Variants in INPP4B observed in about 807,000 individuals in gnomAD.
INPP4B encodes the protein inositol polyphosphate 4-phosphatase type II.
In INPP4B, 55 loss-of-function variants were observed where a neutral mutation model predicts 122.5. The ratio of observed to expected loss-of-function variants is 0.45; its 90% confidence interval spans 0.36 to 0.56. The LOEUF is 0.56. INPP4B is among the 20% of genes least tolerant of loss of function. The pLI is 0.00. For missense variants in INPP4B, 1,000 were observed against 1,097.7 expected (o/e 0.91, Z 1.26); for synonymous variants, 403 against 388.7 (o/e 1.04, Z -0.43).
At chr4:142,147,772 C>T (rs1043798656) in intron 17 of INPP4B, among the ~76,000 whole-genome samples, 141 of 152,266 alleles carry the variant, frequency 9.3e-4, no homozygotes, top group African/African-American at 3.4e-3. Flanking sequence ...CAGATCTTTC[C>T]ACTAAGAATT....
intron 3 of INPP4B, among the ~76,000 whole-genome samples, chr4:142,439,526 A>G (rs979909882): frequency 6.6e-6 from 1 of 152,164 alleles, no homozygotes; most frequent in African/African-American, 2.4e-5. Context: ...CATTTTATTA[A>G]TTTATGTACC....
At chr4:142,068,526 C>T (rs1249713928) in intron 25 of INPP4B, among the ~76,000 whole-genome samples, 1 of 152,148 alleles carries the variant, frequency 6.6e-6, no homozygotes, top group East Asian at 1.9e-4. Flanking sequence ...AATTAAAAGA[C>T]ACAGACTGGC....
At chr4:142,608,153 G>C (rs888399997) in intron 2 of INPP4B, among the ~76,000 whole-genome samples, 1 of 152,158 alleles carries the variant, frequency 6.6e-6, no homozygotes, top group Admixed American at 6.6e-5. Context: ...ATTATAAACA[G>C]TAGAGTGACT....
intron 16 of INPP4B, among the ~76,000 whole-genome samples, chr4:142,167,313 G>A (rs1479900109): frequency 3.3e-5 from 5 of 151,872 alleles, no homozygotes; most frequent in Middle Eastern, 3.4e-3. Context: ...AACACTACAT[G>A]TTCTCACTTA....
Position 142,839,861 on chromosome 4 carries a change from G to T in INPP4B, c.-254+6348C>A, listed in dbSNP as rs1410674869. Among the ~76,000 whole-genome samples the T allele has an allele frequency of 2.6e-5, 4 of 152,266 alleles. No individual in the cohort carries two copies. The South Asian group carries it at 8.3e-4, about 32-fold the overall frequency. On this transcript the variant is annotated intron_variant, in intron 1 of 25. Transcript: ENST00000262992. ...GCATTTCTTAATTATGCCAATTTGG[G>T]TTCATTAACTTAATTTCTTTGTTCT...
At chr4:142,400,565 T>C (rs1159712487) in intron 7 of INPP4B, among the ~76,000 whole-genome samples, 1 of 152,326 alleles carries the variant, frequency 6.6e-6, no homozygotes, top group East Asian at 1.9e-4. Context: ...CCATAGGAAC[T>C]ATTAGCATAT....
At chr4:142,067,320 G>A (rs564875776) in intron 25 of INPP4B, among the ~76,000 whole-genome samples, 126 of 152,266 alleles carry the variant, frequency 8.3e-4, no homozygotes, top group Admixed American at 2.0e-3. Flanking sequence ...AACCCCATCA[G>A]TACATCACCA....
chr4:142,331,720 G>T (rs962190649), intron 7 of INPP4B, among the ~76,000 whole-genome samples: 4 of 152,154 alleles, frequency 2.6e-5, no homozygotes, highest in African/African-American at 9.7e-5. Context: ...CCAAGAATCT[G>T]GTTTACCAGA....
chr4:142,727,287 T>C (rs1448682550), intron 1 of INPP4B, among the ~76,000 whole-genome samples: 1 of 152,174 alleles, frequency 6.6e-6, no homozygotes, highest in African/African-American at 2.4e-5. Flanking sequence ...GAAATTGTGA[T>C]ATACTTCAAG....
chr4:142,202,131 T>A (rs1028003906), intron 14 of INPP4B, among the ~76,000 whole-genome samples: 1 of 152,006 alleles, frequency 6.6e-6, no homozygotes, highest in Non-Finnish European at 1.5e-5. Flanking sequence ...TAAAAAGTAA[T>A]AGATAAGTAG....
intron 2 of INPP4B, among the ~76,000 whole-genome samples, chr4:142,488,365 T>C (rs1821447780): frequency 6.6e-6 from 1 of 152,096 alleles, no homozygotes; most frequent in African/African-American, 2.4e-5. Context: ...TCTTTGAATA[T>C]CTTTGATTAC....
At chr4:142,198,307 C>T (rs987530186) in intron 14 of INPP4B, among the ~76,000 whole-genome samples, 1 of 151,844 alleles carries the variant, frequency 6.6e-6, no homozygotes, top group Non-Finnish European at 1.5e-5. Flanking sequence ...TGATGTAATT[C>T]TTATTTATCA....
Position 142,746,197 on chromosome 4 carries a change from A to C in INPP4B, c.-253-20296T>G, listed in dbSNP as rs375936133. Among the ~76,000 whole-genome samples, 20 of 151,862 alleles carry C rather than the reference A, an allele frequency of 1.3e-4. No homozygotes were observed. The East Asian group carries it at 1.6e-3, about 12-fold the overall frequency. ...CATGATAGGACATACACTAACCAGA[A>C]AATAAACCTCAAACATTCCTTTACA... On this transcript the variant is annotated intron_variant, in intron 1 of 25. Coordinates refer to ENST00000262992, the MANE Select transcript of INPP4B (RefSeq NM_001101669.3).
At chr4:142,659,409 A>C (rs1290961713) in intron 2 of INPP4B, among the ~76,000 whole-genome samples, 3 of 151,992 alleles carry the variant, frequency 2.0e-5, no homozygotes, top group Non-Finnish European at 4.4e-5. Context: ...CTGTCTCAAA[A>C]GAAAAAAAAA....
At chr4:142,332,350 G>T (rs1774846642) in intron 7 of INPP4B, among the ~76,000 whole-genome samples, 1 of 152,002 alleles carries the variant, frequency 6.6e-6, no homozygotes, top group South Asian at 2.1e-4. Context: ...ATTTAGTACA[G>T]ATTTTGTAAT....
chr4:142,497,568 G>A (rs1477711866), intron 2 of INPP4B, among the ~76,000 whole-genome samples: 7 of 152,048 alleles, frequency 4.6e-5, no homozygotes, highest in African/African-American at 1.4e-4. Context: ...TGCTTTATTG[G>A]GGAAACACAG....
intron 23 of INPP4B, among the ~76,000 whole-genome samples, chr4:142,103,630 T>C (rs940859556): frequency 2.0e-5 from 3 of 152,134 alleles, no homozygotes; most frequent in African/African-American, 7.2e-5. Context: ...TTAGCCTTAA[T>C]ATAGATTATT....
intron 18 of INPP4B, among the ~76,000 whole-genome samples, chr4:142,139,095 G>A (rs1343676576): frequency 6.6e-6 from 1 of 152,120 alleles, no homozygotes; most frequent in Non-Finnish European, 1.5e-5. Context: ...ACTTACTCAT[G>A]TACTAGACTG....
In INPP4B at chr4:142,267,929, G is replaced by A. The variant is rs1483463104; in HGVS notation, c.615+2734C>T. Among the ~76,000 whole-genome samples, 4 of 151,848 alleles carry A rather than the reference G, an allele frequency of 2.6e-5. No homozygotes were observed. In the South Asian group the frequency reaches 6.3e-4, roughly 24 times the overall value. On this transcript the variant is annotated intron_variant, in intron 10 of 25. Coordinates refer to ENST00000262992, the MANE Select transcript of INPP4B (RefSeq NM_001101669.3). The stretch of plus-strand genomic sequence containing the variant: ...AAAAGAAGACATACAAATGGCCAAC[G>A]GATATATTAAAAAATGCTCATCATT...
Sources: allele counts gnomAD v4.1 joint callset (sites outside exome capture counted in the v4.1 genomes callset), GRCh38; gene constraint gnomAD v4.1.1; transcripts MANE v1.5; gene names NCBI Gene and HGNC (gene_info 2026-07-23, HGNC 2026-07-21).